The following TRIM61 variants were observed in gnomAD, a reference collection of about 807,000 sequenced individuals.
The protein encoded by TRIM61 is tripartite motif containing 61.
In TRIM61, 1 loss-of-function variant was observed where a neutral mutation model predicts 14.2. That is an observed-to-expected ratio of 0.07 (90% CI 0.03 to 0.33). The LOEUF (loss-of-function observed/expected upper bound fraction) is 0.33, where lower values mean the gene tolerates loss of function less well. Ranked by LOEUF, TRIM61 falls within the 10% of genes least tolerant of loss-of-function variation. The pLI is 0.99. For synonymous variants in TRIM61, 8 were observed against 71.6 expected, an observed-to-expected ratio of 0.11 and a Z score of 4.49; for missense variants, 19 against 202.2, an observed-to-expected ratio of 0.09 and a Z score of 5.49.
chr4:164,961,529 A>T (rs1314348126), intron 3 of TRIM61, among the ~76,000 whole-genome samples: 2 of 151,984 alleles, frequency 1.3e-5, no homozygotes, highest in African/African-American at 2.4e-5. Flanking sequence ...AAATCTCATC[A>T]CTAGGAAATG....
chr4:164,967,915 G>A (rs1035900698), intron 3 of TRIM61, among the ~76,000 whole-genome samples: 3 of 152,104 alleles, frequency 2.0e-5, no homozygotes, highest in Admixed American at 6.6e-5. Context: ...ACTTTGGGAG[G>A]CCGAGGCAGG....
intron 3 of TRIM61, among the ~76,000 whole-genome samples, chr4:164,964,877 C>T (rs1197189400): frequency 6.6e-6 from 1 of 152,158 alleles, no homozygotes; most frequent in African/African-American, 2.4e-5. Flanking sequence ...TATAGATCCT[C>T]GAATATATCA....
intron 3 of TRIM61, chr4:164,957,045 G>A (rs755546611): frequency 1.3e-5 from 19 of 1,504,100 alleles, no homozygotes; most frequent in Middle Eastern, 1.7e-4. Context: ...GCGGTGCGGC[G>A]GGGCAGCTGT....
At position 164,965,151 on chromosome 4, in the gene TRIM61, G is replaced by A. The variant is rs146173111; in HGVS notation, c.525+4327C>T. On this transcript the variant is annotated intron_variant, in intron 3 of 4. Coordinates refer to ENST00000329314, the MANE Select transcript of TRIM61 (RefSeq NM_001012414.3). ...AAAAATACAAAAATTGACCGGGCAC[G>A]GTGACGCGAGTCTGTAATTCCAGCT... Among the ~76,000 whole-genome samples, 266 of 152,120 alleles carry A rather than the reference G, an allele frequency of 1.7e-3. 8 individuals carry two copies. In the East Asian group the frequency reaches 0.035, roughly 20 times the overall value.
At chr4:164,967,817 T>C (rs1485322633) in intron 3 of TRIM61, among the ~76,000 whole-genome samples, 1 of 139,012 alleles carries the variant, frequency 7.2e-6, no homozygotes, top group Admixed American at 7.2e-5. Flanking sequence ...CTGGGCAAAA[T>C]AGAAAAATAA....
chr4:164,970,341 T>TTGC lies in TRIM61; in HGVS notation c.-337-3_-337-2insGCA. On this transcript the variant is annotated splice_region_variant and splice_polypyrimidine_tract_variant and intron_variant, in intron 2 of 4. Transcript: ENST00000329314. ...CAGGTCCAAGATAGGGAATCCTTCC[T>TTGC]ATGAGTAAGAAAAGACACCACGTTA... The TTGC allele has an allele frequency of 3.9e-6, 1 of 256,674 alleles. No individual in the cohort carries two copies. The highest frequency in any genetic ancestry group is 7.4e-6 in the Non-Finnish European group (1 of 134,366). 15.9% of individuals were successfully genotyped at this position (256,674 alleles called of 1,614,324 possible).
chr4:164,971,590 CA>C (rs75634308), intron 2 of TRIM61, among the ~76,000 whole-genome samples: 3,027 of 64,392 alleles, frequency 0.047, 62 homozygotes, highest in African/African-American at 0.14. Flanking sequence ...AACTCTGTCT[CA>C]AAAAAAAAAA....
intron 3 of TRIM61, chr4:164,968,940 C>T (rs1732300297): frequency 9.0e-6 from 9 of 996,934 alleles, no homozygotes; most frequent in Non-Finnish European, 1.1e-5. Context: ...TCTTTCACTT[C>T]TACTTCCCAG....
chr4:164,956,941 T>G, intron 3 of TRIM61: 1 of 1,346,154 alleles, frequency 7.4e-7, no homozygotes, highest in Non-Finnish European at 9.9e-7. Context: ...GCCGGCACCG[T>G]CTCTGGGCTT....
intron 3 of TRIM61, among the ~76,000 whole-genome samples, chr4:164,965,745 A>G (rs1462016267): frequency 6.6e-6 from 1 of 150,560 alleles, no homozygotes; most frequent in African/African-American, 2.4e-5. Flanking sequence ...AATGTATTTC[A>G]TTACACATTG....
At chr4:164,976,153 C>T (rs549674629) in intron 2 of TRIM61, among the ~76,000 whole-genome samples, 1 of 152,124 alleles carries the variant, frequency 6.6e-6, no homozygotes, top group Non-Finnish European at 1.5e-5. Flanking sequence ...TTATTATAAC[C>T]CTGCTCTCCT....
chr4:164,975,205 G>A (rs1732455728), intron 2 of TRIM61, among the ~76,000 whole-genome samples: 1 of 151,132 alleles, frequency 6.6e-6, no homozygotes, highest in Non-Finnish European at 1.5e-5. Flanking sequence ...ACTCCAGCCT[G>A]GGTGAAAAGA....
intron 3 of TRIM61, among the ~76,000 whole-genome samples, chr4:164,966,483 A>G (rs1456290519): frequency 1.4e-5 from 2 of 144,980 alleles, no homozygotes; most frequent in Non-Finnish European, 2.9e-5. Context: ...GTGACTATAA[A>G]AGTAAATACC....
intron 3 of TRIM61, among the ~76,000 whole-genome samples, chr4:164,959,614 C>T (rs947259438): frequency 6.6e-6 from 1 of 152,176 alleles, no homozygotes; most frequent in Non-Finnish European, 1.5e-5. Context: ...ATGACTCATG[C>T]TCAATCAGAA....
At chr4:164,963,045 T>C (rs1419679038) in intron 3 of TRIM61, among the ~76,000 whole-genome samples, 2 of 152,056 alleles carry the variant, frequency 1.3e-5, no homozygotes, top group Non-Finnish European at 2.9e-5. Flanking sequence ...ATAAAATAAG[T>C]TAATAGAAAA....
At chr4:164,959,159 A>G (rs1732079191) in intron 3 of TRIM61, 1 of 166,920 alleles carries the variant, frequency 6.0e-6, no homozygotes, top group South Asian at 2.1e-4. Context: ...TCAGCCCCAT[A>G]TCTGCTCATC....
intron 2 of TRIM61, among the ~76,000 whole-genome samples, chr4:164,972,331 TCTC>T (rs1355951198): frequency 6.6e-6 from 1 of 152,240 alleles, no homozygotes; most frequent in East Asian, 1.9e-4. Context: ...AGCTAATTCT[TCTC>T]GACCAAAGGA....
chr4:164,971,948 C>T (rs1338136670), intron 2 of TRIM61, among the ~76,000 whole-genome samples: 1 of 152,200 alleles, frequency 6.6e-6, no homozygotes, highest in Non-Finnish European at 1.5e-5. Flanking sequence ...ATGGTTTTGA[C>T]ATGTGAAACT....
intron 3 of TRIM61, among the ~76,000 whole-genome samples, chr4:164,959,394 T>C (rs1457416024): frequency 6.6e-6 from 1 of 152,026 alleles, no homozygotes; most frequent in Non-Finnish European, 1.5e-5. Flanking sequence ...TCTGAGTCCC[T>C]TGTTTTCCTT....
Sources: gnomAD v4.1 joint callset for allele counts (sites outside exome capture counted in the v4.1 genomes callset) on GRCh38, gnomAD v4.1.1 for gene constraint, MANE v1.5 for transcripts, NCBI Gene and HGNC (gene_info 2026-07-23, HGNC 2026-07-21) for gene names.